Variants in CYP4V2 observed in about 807,000 individuals in gnomAD.
CYP4V2 encodes the protein cytochrome P450 family 4 subfamily V member 2, also known as cytochrome P450 4V2.
Under a neutral mutation model 60.8 loss-of-function variants are expected in CYP4V2, and 55 were observed. The ratio of observed to expected loss-of-function variants is 0.90; its 90% confidence interval spans 0.73 to 1.13. CYP4V2 has a LOEUF of 1.13. Ranked by LOEUF, CYP4V2 falls within the 50% of genes most tolerant of loss-of-function variation. The pLI, the probability that CYP4V2 is intolerant of heterozygous loss-of-function variation, is 0.00. For synonymous variants in CYP4V2, 239 were observed against 236.8 expected (o/e 1.01, Z -0.08); for missense variants, 675 against 662.9 (o/e 1.02, Z -0.20).
intron 2 of CYP4V2, among the ~76,000 whole-genome samples, chr4:186,194,903 G>A (rs1736106261): frequency 6.6e-6 from 1 of 152,130 alleles, no homozygotes; most frequent in South Asian, 2.1e-4. Flanking sequence ...ATTCCGCAAG[G>A]CAAGCACTTG....
chr4:186,205,403 C>G (rs897607190), intron 8 of CYP4V2, 101 bp downstream of exon 8: 1 of 1,145,270 alleles, frequency 8.7e-7, no homozygotes, highest in African/African-American at 1.5e-5. Context: ...GGCTCCCCCA[C>G]GGGATCCTTT....
At chr4:186,204,905 G>T in intron 7 of CYP4V2, 1 of 448,398 alleles carries the variant, frequency 2.2e-6, no homozygotes, top group Non-Finnish European at 4.1e-6. Context: ...TGTTCACAAA[G>T]GCGCAGCTCA....
chr4:186,210,722 G>T lies in CYP4V2; in HGVS notation c.*81G>T. The T allele has an allele frequency of 6.4e-7, 1 of 1,557,182 alleles. No individual in the cohort carries two copies. The highest frequency in any genetic ancestry group is 8.8e-7 in the Non-Finnish European group (1 of 1,137,782). On this transcript the variant is annotated 3_prime_UTR_variant, in exon 11 of 11. Coordinates refer to ENST00000378802, the MANE Select transcript of CYP4V2 (RefSeq NM_207352.4). ...TTGTCATTTACAATTTACAGATCAT[G>T]AGTTCAATATGCTTGAATCCCCTAG...
chr4:186,192,395 A>C (rs190298766), intron 1 of CYP4V2: 9 of 459,946 alleles, frequency 2.0e-5, no homozygotes, highest in Admixed American at 1.8e-4. Context: ...GAGCGGTTTT[A>C]AACTGGCCAA....
intron 6 of CYP4V2, among the ~76,000 whole-genome samples, chr4:186,200,605 T>C (rs1736278433): frequency 6.6e-6 from 1 of 151,920 alleles, no homozygotes; most frequent in African/African-American, 2.4e-5. Flanking sequence ...GGGACAGGGG[T>C]AGCAGGGATG....
intron 3 of CYP4V2, chr4:186,196,472 A>C: frequency 3.1e-6 from 1 of 323,178 alleles, no homozygotes; most frequent in East Asian, 7.5e-5. Flanking sequence ...GCTGGTATCT[A>C]GAAACAGGGC....
chr4:186,201,143 T>C lies in CYP4V2; in HGVS notation c.802-14T>C, dbSNP rs1415799555. ...TCCAAACAGAAGCATGTGATTATCA[T>C]TCAAATCATACAGGTCATCGCTGAA... On this transcript the variant is annotated splice_polypyrimidine_tract_variant and intron_variant, in intron 6 of 10. Transcript: ENST00000378802. 1.2e-6 allele frequency: 2 copies of C among 1,613,884 alleles called. No homozygotes were observed. The highest frequency in any genetic ancestry group is 1.7e-6 in the Non-Finnish European group (2 of 1,179,880).
chr4:186,200,947 C>T (rs536330293), intron 6 of CYP4V2, among the ~76,000 whole-genome samples: 9 of 152,232 alleles, frequency 5.9e-5, no homozygotes, highest in Admixed American at 2.0e-4. Context: ...ATTTGCGTGA[C>T]ATTAAATTTG....
intron 7 of CYP4V2, chr4:186,204,293 C>T (rs1213621643): frequency 6.5e-6 from 1 of 154,384 alleles, no homozygotes; most frequent in African/African-American, 2.5e-5. Context: ...AGACGCTACG[C>T]TGGCGTAAGA....
Position 186,205,388 on chromosome 4 carries a change from A to G in CYP4V2, c.1090+86A>G, listed in dbSNP as rs528934580. On this transcript the variant is annotated intron_variant, in intron 8 of 10. Transcript: ENST00000378802. ...GTGTTGTAAACACAGTGTAATGAGC[A>G]GGAAGGCTCCCCCACGGGATCCTTT... 3.4e-4 allele frequency: 456 copies of G among 1,327,336 alleles called. 2 individuals carry two copies. In the African/African-American group the frequency reaches 4.7e-3, roughly 14 times the overall value. The allele number at this position is 1,327,336 out of a possible 1,614,324, so 82.2% of individuals were successfully genotyped here.
At chr4:186,209,733 C>A (rs1449211458) in intron 10 of CYP4V2, among the ~76,000 whole-genome samples, 1 of 152,154 alleles carries the variant, frequency 6.6e-6, no homozygotes, top group South Asian at 2.1e-4. Context: ...TACTTACTGA[C>A]CTCTTTCGAT....
chr4:186,197,813 C>A (rs576453263), intron 5 of CYP4V2, among the ~76,000 whole-genome samples: 23 of 152,158 alleles, frequency 1.5e-4, no homozygotes, highest in African/African-American at 5.3e-4. Flanking sequence ...AATGATTATT[C>A]TCTAACATTG....
intron 8 of CYP4V2, among the ~76,000 whole-genome samples, chr4:186,206,509 A>C (rs994364554): frequency 2.0e-5 from 3 of 152,202 alleles, no homozygotes; most frequent in Non-Finnish European, 4.4e-5. Flanking sequence ...GAAAAGGAAT[A>C]AAGTTGAGTT....
At position 186,192,037 on chromosome 4, in the gene CYP4V2, G is replaced by A. The variant is rs377425030; in HGVS notation, c.214G>A (p.Glu72Lys). 22 of 1,569,458 alleles carry A rather than the reference G, an allele frequency of 1.4e-5. No homozygotes were observed. Among genetic ancestry groups the A allele is most frequent in the African/African-American group, 1.2e-4 (9 of 74,184 alleles). ...GCTGCTGATGAAGCCGGACGGGCGAGGTAAGGGCCGGCGCTCCTCCTGGAG... is the reference window on the plus strand; with the variant it reads ...GCTGCTGATGAAGCCGGACGGGCGAAGTAAGGGCCGGCGCTCCTCCTGGAG... ...HALLMKPDGR[E>K]FFQQIIEYTE... The change falls in exon 1 of 11, where the codon GAA becomes AAA. Residue 72 changes from glutamate to lysine, a missense_variant and splice_region_variant. Glu to Lys is a moderately conservative substitution (Grantham distance 56). Coordinates refer to ENST00000378802, the MANE Select transcript of CYP4V2 (RefSeq NM_207352.4).
At chr4:186,200,288 G>C (rs992087196) in intron 6 of CYP4V2, among the ~76,000 whole-genome samples, 1 of 152,068 alleles carries the variant, frequency 6.6e-6, no homozygotes, top group East Asian at 1.9e-4. Flanking sequence ...CAATTACCTG[G>C]TAGGAAAAGA....
At chr4:186,192,960 T>C (rs890190135) in intron 1 of CYP4V2, among the ~76,000 whole-genome samples, 3 of 152,194 alleles carry the variant, frequency 2.0e-5, no homozygotes, top group Non-Finnish European at 4.4e-5. Context: ...TTTTCACTTG[T>C]TTTCTCTAAT....
At chr4:186,207,956 T>C (rs573838331) in intron 8 of CYP4V2, among the ~76,000 whole-genome samples, 3 of 152,388 alleles carry the variant, frequency 2.0e-5, no homozygotes, top group Non-Finnish European at 2.9e-5. Context: ...TAATGCATAA[T>C]GTTAGAAATT....
At chr4:186,207,422 A>AAAAAG (rs1156886039) in intron 8 of CYP4V2, among the ~76,000 whole-genome samples, 3 of 142,908 alleles carry the variant, frequency 2.1e-5, no homozygotes, top group African/African-American at 7.9e-5. Context: ...CAAAAAAAAA[A>AAAAAG]AAAGAAAGAA....
intron 8 of CYP4V2, among the ~76,000 whole-genome samples, chr4:186,207,587 TTA>T: frequency 1.7e-5 from 1 of 58,322 alleles, no homozygotes; most frequent in African/African-American, 5.2e-5. Flanking sequence ...TAATTAATAA[TTA>T]ATACTTTGCA....
Sources: gnomAD v4.1 joint callset for allele counts (sites outside exome capture counted in the v4.1 genomes callset) on GRCh38, gnomAD v4.1.1 for gene constraint, MANE v1.5 for transcripts, NCBI Gene and HGNC (gene_info 2026-07-23, HGNC 2026-07-21) for gene names.